The following ABCA12 variants were observed in gnomAD, a reference collection of about 807,000 sequenced individuals.
ABCA12 encodes the protein glucosylceramide transporter ABCA12.
In ABCA12, 156 loss-of-function variants were observed where a neutral mutation model predicts 293.5. The ratio of observed to expected loss-of-function variants is 0.53; its 90% CI spans 0.47 to 0.61. ABCA12 has a LOEUF of 0.61. Ranked by LOEUF, ABCA12 falls within the 20% of genes least tolerant of loss-of-function variation. The pLI, the probability that ABCA12 is intolerant of heterozygous loss-of-function variation, is 0.00. For synonymous variants in ABCA12, 1,063 were observed against 1,108.0 expected (o/e 0.96, Z 0.81); for missense variants, 2,797 against 3,090.2 (o/e 0.91, Z 2.25).
Position 215,038,503 on chromosome 2 carries a change from TGTTCCGAACAGTTGGCCACAGAG to T in ABCA12, c.873-1461_873-1439del, listed in dbSNP as rs1489782754. On this transcript the variant is annotated intron_variant, in intron 7 of 52. Coordinates refer to ENST00000272895, the MANE Select transcript of ABCA12 (RefSeq NM_173076.3). ...GCATTTTTAATTTGTCACCCAGCTG[TGTTCCGAACAGTTGGCCACAGAG>T]GCATGGCTGTATTTTTCTCATCTCT... 2.6e-5 allele frequency among the ~76,000 whole-genome samples: 4 copies of T among 152,212 alleles called. No homozygotes were observed. In the East Asian group the frequency reaches 7.7e-4, roughly 29 times the overall value.
intron 2 of ABCA12, among the ~76,000 whole-genome samples, chr2:215,108,969 G>C (rs894535777): frequency 2.0e-5 from 3 of 151,938 alleles, no homozygotes; most frequent in Admixed American, 6.6e-5. Flanking sequence ...TCAGGAGGCT[G>C]AGGCAGAGAA....
At chr2:214,997,502 C>G (rs1432054783) in intron 23 of ABCA12, among the ~76,000 whole-genome samples, 193 bp downstream of exon 23, 2 of 152,108 alleles carry the variant, frequency 1.3e-5, no homozygotes. Flanking sequence ...TATTAAGTGA[C>G]TTTTATGTCA....
chr2:214,954,968 C>T (rs1321486758), intron 43 of ABCA12, among the ~76,000 whole-genome samples: 1 of 152,162 alleles, frequency 6.6e-6, no homozygotes, highest in Non-Finnish European at 1.5e-5. Flanking sequence ...CTGATTTCAC[C>T]TCTGTCACCA....
chr2:215,084,049 C>A (rs989038009), intron 2 of ABCA12, among the ~76,000 whole-genome samples: 1 of 151,972 alleles, frequency 6.6e-6, no homozygotes, highest in African/African-American at 2.4e-5. Flanking sequence ...ATGATCATAG[C>A]TCACTGCAGC....
chr2:215,121,825 G>C (rs1702810852), intron 1 of ABCA12, among the ~76,000 whole-genome samples: 1 of 152,110 alleles, frequency 6.6e-6, no homozygotes, highest in African/African-American at 2.4e-5. Flanking sequence ...ACAAGCTCTT[G>C]CCTGCTGCCA....
At chr2:215,092,145 G>A (rs555995582) in intron 2 of ABCA12, among the ~76,000 whole-genome samples, 15 of 152,180 alleles carry the variant, frequency 9.9e-5, no homozygotes, top group South Asian at 4.1e-4. Flanking sequence ...GGGTAAGTCC[G>A]TTCCCTTCTT....
intron 7 of ABCA12, among the ~76,000 whole-genome samples, chr2:215,037,793 A>T (rs1308517158): frequency 6.6e-6 from 1 of 152,216 alleles, no homozygotes; most frequent in Non-Finnish European, 1.5e-5. Context: ...TATAGCCATT[A>T]GTGCATTTTA....
At chr2:214,949,695 T>A (rs1035455714) in intron 45 of ABCA12, among the ~76,000 whole-genome samples, 1 of 152,118 alleles carries the variant, frequency 6.6e-6, no homozygotes, top group African/African-American at 2.4e-5. Context: ...AGAATATAAA[T>A]AAATAGATGC....
intron 14 of ABCA12, among the ~76,000 whole-genome samples, chr2:215,017,163 G>T (rs938211877): frequency 2.0e-5 from 3 of 152,146 alleles, no homozygotes; most frequent in African/African-American, 7.2e-5. Context: ...AACCTTAAAG[G>T]CTTTTTAGAA....
intron 3 of ABCA12, among the ~76,000 whole-genome samples, chr2:215,058,019 A>T (rs1448786234): frequency 1.3e-5 from 2 of 152,098 alleles, no homozygotes; most frequent in Non-Finnish European, 2.9e-5. Flanking sequence ...AAGTAAGGAC[A>T]TGTGCAAAGG....
intron 2 of ABCA12, among the ~76,000 whole-genome samples, chr2:215,108,870 C>T (rs1025557217): frequency 3.9e-5 from 6 of 152,168 alleles, no homozygotes; most frequent in Admixed American, 3.3e-4. Flanking sequence ...AGTTCCAGAC[C>T]AGCCTGGCCA....
intron 39 of ABCA12, among the ~76,000 whole-genome samples, chr2:214,965,579 C>T (rs1699236371): frequency 1.3e-5 from 2 of 152,026 alleles, no homozygotes; most frequent in Admixed American, 6.6e-5. Context: ...AGGGCATGAA[C>T]AGACACTTCT....
intron 14 of ABCA12, among the ~76,000 whole-genome samples, chr2:215,016,607 A>AAAAAAAC (rs1700511474): frequency 6.9e-6 from 1 of 144,562 alleles, no homozygotes; most frequent in Non-Finnish European, 1.5e-5. Flanking sequence ...AAAAAAAAAA[A>AAAAAAAC]AAAAAAAGAC....
intron 13 of ABCA12, among the ~76,000 whole-genome samples, chr2:215,018,558 G>A (rs1239115160): frequency 6.6e-6 from 1 of 151,962 alleles, no homozygotes; most frequent in Non-Finnish European, 1.5e-5. Context: ...CACACATAAT[G>A]CCACAGAGCA....
In ABCA12 at chr2:215,019,609, T is replaced by C. The variant is rs756278470; in HGVS notation, c.1475A>G (p.Asn492Ser). The C allele has an allele frequency of 7.4e-6, 12 of 1,614,102 alleles. No individual in the cohort carries two copies. The highest frequency in any genetic ancestry group is 9.3e-6 in the Non-Finnish European group (11 of 1,180,044). ...EIAASLLYHD[N>S]VISKKVRDLL... is the part of the protein sequence containing the mutation. ...ATCTCTCACTTTTTTAGATATGACATTGTCATGGTACAGTAAGCTGGCTGC... is the reference window on the plus strand; with the variant it reads ...ATCTCTCACTTTTTTAGATATGACACTGTCATGGTACAGTAAGCTGGCTGC... The change falls in exon 12 of 53, where the codon AAT (asparagine) becomes AGT (serine). Residue 492 changes from asparagine to serine, a missense_variant. Coordinates refer to ENST00000272895, the MANE Select transcript of ABCA12 (RefSeq NM_173076.3).
chr2:215,119,824 GGGAGTATAAGTTAGTTCAACCACTGT>G (rs1702767055), intron 1 of ABCA12, among the ~76,000 whole-genome samples: 2 of 151,746 alleles, frequency 1.3e-5, no homozygotes, highest in South Asian at 4.2e-4. Flanking sequence ...TACTGTTGAT[GGGAGTATAAGTTAGTTCAACCACTGT>G]GGAAAGCAGT....
chr2:215,054,686 C>A, intron 3 of ABCA12, 22 bp from the exon 4 acceptor site: 3 of 1,564,630 alleles, frequency 1.9e-6, no homozygotes, highest in Non-Finnish European at 2.6e-6. Flanking sequence ...AAAGCAAGAA[C>A]TCTGTAACTT....
At chr2:214,952,261 C>T (rs895326813) in intron 44 of ABCA12, among the ~76,000 whole-genome samples, 2 of 150,408 alleles carry the variant, frequency 1.3e-5, no homozygotes, top group African/African-American at 2.4e-5. Flanking sequence ...CGCTCTGTCA[C>T]GCAGGCTGGA....
intron 2 of ABCA12, among the ~76,000 whole-genome samples, chr2:215,088,605 G>T (rs955366725): frequency 6.6e-6 from 1 of 152,154 alleles, no homozygotes; most frequent in African/African-American, 2.4e-5. Context: ...AGCTGGATTT[G>T]ATTCATTTTT....
Sources: gnomAD v4.1 joint callset for allele counts (sites outside exome capture counted in the v4.1 genomes callset) on GRCh38, gnomAD v4.1.1 for gene constraint, MANE v1.5 for transcripts, NCBI Gene and HGNC (gene_info 2026-07-23, HGNC 2026-07-21) for gene names.